Variants in SLC7A1 observed in about 807,000 individuals in gnomAD.
SLC7A1 encodes the protein high affinity cationic amino acid transporter 1.
A neutral mutation model predicts 53.9 loss-of-function variants in SLC7A1; 10 were observed. The ratio of observed to expected loss-of-function variants is 0.19; its 90% CI spans 0.11 to 0.31. The LOEUF is 0.31. Ranked by LOEUF, SLC7A1 falls within the 10% of genes least tolerant of loss-of-function variation. SLC7A1 has a pLI of 1.00. For synonymous variants in SLC7A1, 342 were observed against 338.7 expected, an observed-to-expected ratio of 1.01 and a Z score of -0.11; for missense variants, 525 against 827.2, an observed-to-expected ratio of 0.63 and a Z score of 4.48.
At position 29,583,503 on chromosome 13, in the gene SLC7A1, T is replaced by G. The variant is rs192372483; in HGVS notation, c.-115+11913A>C. Among the ~76,000 whole-genome samples the G allele has an allele frequency of 4.1e-3, 619 of 152,270 alleles. 6 individuals are homozygous for G. The highest frequency in any genetic ancestry group is 0.014 in the African/African-American group (582 of 41,556). On this transcript the variant is annotated intron_variant, in intron 1 of 12. Coordinates refer to ENST00000380752, the MANE Select transcript of SLC7A1 (RefSeq NM_003045.5). ...AGTAGACTTCAACTCTTCCAGCAAC[T>G]CAAACTCTATGCAGGGTGACTCAGC...
At chr13:29,528,145 G>A (rs932609904) in intron 5 of SLC7A1, among the ~76,000 whole-genome samples, 4 of 152,230 alleles carry the variant, frequency 2.6e-5, no homozygotes, top group Non-Finnish European at 5.9e-5. Flanking sequence ...TGGGTGAAGC[G>A]ACAAGCTGGA....
chr13:29,529,406 C>G (rs1025328424), intron 5 of SLC7A1, among the ~76,000 whole-genome samples: 3 of 152,182 alleles, frequency 2.0e-5, no homozygotes, highest in African/African-American at 7.2e-5. Flanking sequence ...TCTCAGCCTC[C>G]CTTGCAGCTC....
chr13:29,542,243 T>C (rs796442629), intron 2 of SLC7A1, among the ~76,000 whole-genome samples: 13 of 152,120 alleles, frequency 8.5e-5, no homozygotes, highest in African/African-American at 3.1e-4. Context: ...TCACCTGAGG[T>C]CAAGAGTTGG....
intron 1 of SLC7A1, among the ~76,000 whole-genome samples, chr13:29,571,667 G>C (rs540346774): frequency 1.3e-5 from 2 of 152,336 alleles, no homozygotes; most frequent in Admixed American, 6.5e-5. Context: ...TTCCACCAGA[G>C]GGGCGGCTTC....
intron 1 of SLC7A1, among the ~76,000 whole-genome samples, chr13:29,563,624 A>C (rs1345862001): frequency 6.6e-6 from 1 of 152,114 alleles, no homozygotes; most frequent in Non-Finnish European, 1.5e-5. Flanking sequence ...TAAGAGTGAA[A>C]CTGACAGCTT....
intron 1 of SLC7A1, among the ~76,000 whole-genome samples, chr13:29,593,911 C>T (rs1360726514): frequency 6.6e-6 from 1 of 152,164 alleles, no homozygotes; most frequent in Non-Finnish European, 1.5e-5. Context: ...TTGAATTTTA[C>T]CTTTATAATA....
At chr13:29,549,774 C>T (rs991456591) in intron 2 of SLC7A1, among the ~76,000 whole-genome samples, 3 of 152,192 alleles carry the variant, frequency 2.0e-5, no homozygotes, top group African/African-American at 7.2e-5. Flanking sequence ...AAGCAATCCT[C>T]CCACCTCAGC....
intron 1 of SLC7A1, among the ~76,000 whole-genome samples, chr13:29,568,963 T>C (rs1414629324): frequency 6.6e-6 from 1 of 152,200 alleles, no homozygotes; most frequent in Non-Finnish European, 1.5e-5. Context: ...AGCCACCAGC[T>C]TAAATTCATC....
chr13:29,522,167 T>C, intron 8 of SLC7A1, 150 bp downstream of exon 8: 1 of 854,558 alleles, frequency 1.2e-6, no homozygotes, highest in Non-Finnish European at 1.9e-6. Context: ...GTCAGTCAAC[T>C]TTCAATGAAC....
chr13:29,535,839 A>C lies in SLC7A1; in HGVS notation c.350T>G (p.Leu117Ter). 1 of 1,614,050 alleles carries C rather than the reference A, an allele frequency of 6.2e-7. No homozygotes were observed. Among genetic ancestry groups the C allele is most frequent in the Non-Finnish European group, 8.5e-7 (1 of 1,179,900 alleles). Residue 117 changes from leucine to a stop codon, truncating the protein, a stop_gained, in exon 3 of 13, where the codon TTA (leucine) becomes TGA (stop). Transcript: ENST00000380752. LOFTEE classifies it high-confidence loss of function. ...ELWAFITGWN[L>*]ILSYIIGTSS... ...CCTACCGATGATGTAGGAGAGGATTAAGTTCCAGCCGGTGATGAAGGCCCA... is the reference window on the plus strand; with the variant it reads ...CCTACCGATGATGTAGGAGAGGATTCAGTTCCAGCCGGTGATGAAGGCCCA...
chr13:29,582,658 T>G (rs1450858989), intron 1 of SLC7A1, among the ~76,000 whole-genome samples: 1 of 152,126 alleles, frequency 6.6e-6, no homozygotes, highest in Non-Finnish European at 1.5e-5. Context: ...TGGTTAGAAA[T>G]GCAGTCTCTC....
At chr13:29,545,930 C>A (rs952203531) in intron 2 of SLC7A1, among the ~76,000 whole-genome samples, 96 of 152,256 alleles carry the variant, frequency 6.3e-4, no homozygotes, top group African/African-American at 2.3e-3. Context: ...GAGTTGATGT[C>A]TTTCGATGTG....
At chr13:29,567,856 A>G (rs1344234424) in intron 1 of SLC7A1, among the ~76,000 whole-genome samples, 1 of 151,900 alleles carries the variant, frequency 6.6e-6, no homozygotes, top group Admixed American at 6.6e-5. Flanking sequence ...TTTGGACTTA[A>G]TTTGTTCTCC....
rs1438065291 is a variant in SLC7A1 at position 29,511,832 on chromosome 13, A to C, written c.*2648T>G. On this transcript the variant is annotated 3_prime_UTR_variant, in exon 13 of 13. Coordinates refer to ENST00000380752, the MANE Select transcript of SLC7A1 (RefSeq NM_003045.5). ...ATGTGGGTATTTGTGGCTGGTGCAC[A>C]GATAAAAGTAGACACAATACTCCTT... 2 of 152,220 alleles carry C rather than the reference A, an allele frequency of 1.3e-5. No individual in the cohort carries two copies. Among genetic ancestry groups the C allele is most frequent in the Non-Finnish European group, 2.9e-5 (2 of 68,044 alleles). The allele number at this position is 152,220 out of a possible 1,614,324, so 9.4% of individuals were successfully genotyped here.
At chr13:29,589,636 C>T (rs280915) in intron 1 of SLC7A1, among the ~76,000 whole-genome samples, 5,920 of 152,256 alleles carry the variant, frequency 0.039, 361 homozygotes, top group African/African-American at 0.13. Flanking sequence ...TGCCCTCCAG[C>T]GTTGGGGCGG....
chr13:29,585,732 T>A (rs1871853426), intron 1 of SLC7A1, among the ~76,000 whole-genome samples: 3 of 152,000 alleles, frequency 2.0e-5, no homozygotes. Context: ...GAATCCCAAG[T>A]GCCTGAAGGA....
At chr13:29,544,731 T>C (rs1213068660) in intron 2 of SLC7A1, among the ~76,000 whole-genome samples, 1 of 152,146 alleles carries the variant, frequency 6.6e-6, no homozygotes, top group Non-Finnish European at 1.5e-5. Context: ...TGAACTGCTC[T>C]CTGAATTAGA....
chr13:29,527,600 G>A (rs1046935607), intron 5 of SLC7A1, among the ~76,000 whole-genome samples: 32 of 152,170 alleles, frequency 2.1e-4, no homozygotes, highest in African/African-American at 6.5e-4. Context: ...AGCAAATGTC[G>A]CCCCGAGACA....
At chr13:29,585,165 A>C (rs762274856) in intron 1 of SLC7A1, among the ~76,000 whole-genome samples, 1 of 152,214 alleles carries the variant, frequency 6.6e-6, no homozygotes, top group Non-Finnish European at 1.5e-5. Context: ...CATCACAGAG[A>C]ATAATGTCCC....
Sources: allele counts gnomAD v4.1 joint callset (sites outside exome capture counted in the v4.1 genomes callset), GRCh38; gene constraint gnomAD v4.1.1; transcripts MANE v1.5; gene names NCBI Gene and HGNC (gene_info 2026-07-23, HGNC 2026-07-21).